The following ATAD2B variants were observed in gnomAD, a reference collection of about 807,000 sequenced individuals.
The protein encoded by ATAD2B is ATPase family AAA domain containing 2B, also known as ATPase family AAA domain-containing protein 2B.
ATAD2B carries 40 observed loss-of-function variants against 167.6 expected under a neutral mutation model. The ratio of observed to expected loss-of-function variants is 0.24; its 90% CI spans 0.19 to 0.31. The LOEUF is 0.31. Ranked by LOEUF, ATAD2B falls within the 10% of genes least tolerant of loss-of-function variation. The pLI is 1.00. For synonymous variants in ATAD2B, 579 were observed against 596.5 expected (o/e 0.97, Z 0.43); for missense variants, 1,242 against 1,757.2 (o/e 0.71, Z 5.24).
At chr2:23,748,171 C>T (rs1675006168), downstream of ATAD2B, among the ~76,000 whole-genome samples, 2 of 152,046 alleles carry the variant, frequency 1.3e-5, no homozygotes, top group Non-Finnish European at 2.9e-5. Flanking sequence ...ACTACAGGAA[C>T]ATGAAAAGGT....
At chr2:23,756,062 TG>T (rs1675917815) in intron 25 of ATAD2B, among the ~76,000 whole-genome samples, 1 of 152,144 alleles carries the variant, frequency 6.6e-6, no homozygotes, top group Non-Finnish European at 1.5e-5. Flanking sequence ...AGCACGCTTA[TG>T]GAAATCTCAT....
At chr2:23,910,102 G>T (rs1357708167) in intron 1 of ATAD2B, among the ~76,000 whole-genome samples, 1 of 150,448 alleles carries the variant, frequency 6.6e-6, no homozygotes, top group African/African-American at 2.4e-5. Context: ...GGCCTCAAGT[G>T]ATCCTCCAAC....
the ATAD2B span, chr2:23,695,474 C>G: frequency 1.6e-6 from 1 of 636,878 alleles, no homozygotes; most frequent in Non-Finnish European, 2.6e-6. This position sits in a 1 kb window ranked among gnomAD's most constrained non-coding sequence, Gnocchi z 7.6. Flanking sequence ...TTCCCTTCAC[C>G]TCTGTCTAGG....
chr2:23,728,640 A>G, the ATAD2B span, among the ~76,000 whole-genome samples: 119 of 152,290 alleles, frequency 7.8e-4, 1 homozygote, highest in African/African-American at 2.8e-3. Context: ...TATTTACACT[A>G]TATGTCCTCA....
the ATAD2B span, among the ~76,000 whole-genome samples, chr2:23,741,982 T>A: frequency 6.6e-6 from 1 of 152,004 alleles, no homozygotes; most frequent in Non-Finnish European, 1.5e-5. Context: ...ATCAGAGAAA[T>A]GCAAATCAAA....
At chr2:23,871,771 T>C (rs1036199053) in intron 8 of ATAD2B, among the ~76,000 whole-genome samples, 4 of 152,140 alleles carry the variant, frequency 2.6e-5, no homozygotes, top group Non-Finnish European at 4.4e-5. Context: ...TTTCTCAACT[T>C]CTCCTTAAGA....
In ATAD2B at chr2:23,819,824, C is replaced by T; in HGVS notation, c.2190G>A (p.Glu730=). 1 of 1,601,528 alleles carries T rather than the reference C, an allele frequency of 6.2e-7. No individual in the cohort carries two copies. Among genetic ancestry groups the T allele is most frequent in the Non-Finnish European group, 8.6e-7 (1 of 1,169,360 alleles). ...TTGGTGATCCTGAGTGACAATTGGT[C>T]TCAAAAATTGATAAAGCATTTTCAT... ...SEDENALSIF[E]TNCHSGSPKK... The change falls in exon 17 of 28, where the codon GAG becomes GAA. Residue 730 remains glutamate (E), a synonymous_variant. Coordinates refer to ENST00000238789, the MANE Select transcript of ATAD2B (RefSeq NM_017552.4).
chr2:23,862,757 T>G (rs997335627), intron 12 of ATAD2B, among the ~76,000 whole-genome samples: 1 of 151,802 alleles, frequency 6.6e-6, no homozygotes, highest in African/African-American at 2.4e-5. Flanking sequence ...CTTTGTGAGA[T>G]TTCTTGCACA....
chr2:23,899,303 C>CAAAAAA (rs556774553), intron 1 of ATAD2B, among the ~76,000 whole-genome samples: 2 of 67,372 alleles, frequency 3.0e-5, no homozygotes, highest in Non-Finnish European at 2.8e-5. Context: ...GACCCCATCT[C>CAAAAAA]AAAAAAAAAA....
chr2:23,897,095 C>T (rs976652646), intron 1 of ATAD2B, among the ~76,000 whole-genome samples: 2 of 152,202 alleles, frequency 1.3e-5, no homozygotes, highest in Non-Finnish European at 2.9e-5. Flanking sequence ...GCACTCCAGA[C>T]TGGGTGACAG....
the ATAD2B span, among the ~76,000 whole-genome samples, chr2:23,702,907 G>A: frequency 0.045 from 6,386 of 143,022 alleles, 200 homozygotes; most frequent in Middle Eastern, 0.077. Flanking sequence ...GGGGAGCACT[G>A]TGTGAGCAAA....
chr2:23,686,077 G>A, the ATAD2B span, among the ~76,000 whole-genome samples: 3 of 152,120 alleles, frequency 2.0e-5, no homozygotes, highest in African/African-American at 7.2e-5. Context: ...CCAAAGTAGT[G>A]AAGGCTTCTT....
At chr2:23,856,557 A>G in intron 13 of ATAD2B, 1 of 217,868 alleles carries the variant, frequency 4.6e-6, no homozygotes, top group Non-Finnish European at 1.0e-5. Context: ...AAAGAATAAA[A>G]TATTAGCATA....
intron 17 of ATAD2B, among the ~76,000 whole-genome samples, chr2:23,815,591 T>C (rs1177076342): frequency 6.6e-6 from 1 of 152,138 alleles, no homozygotes; most frequent in Non-Finnish European, 1.5e-5. Context: ...AACACAGAGA[T>C]TTTTAAAAAA....
At chr2:23,878,010 CAAAGAAAAAAAAAAAA>C (rs1215008722) in intron 7 of ATAD2B, among the ~76,000 whole-genome samples, 5 of 28,600 alleles carry the variant, frequency 1.7e-4, no homozygotes, top group Admixed American at 6.1e-4. Flanking sequence ...ACCCTATCTC[CAAAGAAAAAAAAAAAA>C]AAAAAAAAAA....
At chr2:23,925,588 T>C (rs1333007573) in intron 1 of ATAD2B, among the ~76,000 whole-genome samples, 2 of 152,162 alleles carry the variant, frequency 1.3e-5, no homozygotes, top group Admixed American at 6.5e-5. Flanking sequence ...TACACTCTTC[T>C]CTGAATTCAG....
chr2:23,734,793 C>T, the ATAD2B span, among the ~76,000 whole-genome samples: 1 of 152,120 alleles, frequency 6.6e-6, no homozygotes. Flanking sequence ...GGACACAGAC[C>T]CAAACCCTAT....
At chr2:23,827,515 A>C (rs930387601) in intron 15 of ATAD2B, among the ~76,000 whole-genome samples, 5 of 152,216 alleles carry the variant, frequency 3.3e-5, no homozygotes, top group Non-Finnish European at 7.3e-5. Flanking sequence ...ACTTCTGCTT[A>C]TTTCAGTTAA....
chr2:23,695,430 C>T, the ATAD2B span, among the ~76,000 whole-genome samples: 18 of 152,094 alleles, frequency 1.2e-4, no homozygotes, highest in Admixed American at 3.3e-4. This position sits in a 1 kb window ranked among gnomAD's most constrained non-coding sequence, Gnocchi z 7.6. Flanking sequence ...CCTGCGCTCC[C>T]GGCCCTCCCC....
Sources: allele counts gnomAD v4.1 joint callset (sites outside exome capture counted in the v4.1 genomes callset), GRCh38; gene constraint gnomAD v4.1.1; non-coding constraint Gnocchi (gnomAD v3.1); transcripts MANE v1.5; gene names NCBI Gene and HGNC (gene_info 2026-07-23, HGNC 2026-07-21).